AHR: variants seen among roughly 807,000 people sequenced by gnomAD.
AHR encodes the protein AH-receptor.
A neutral mutation model predicts 86.8 loss-of-function variants in AHR; 40 were observed. The observed-to-expected ratio is 0.46, with a 90% CI of 0.36 to 0.60. The LOEUF (loss-of-function observed/expected upper bound fraction) is 0.60. Among genes scored for constraint, AHR ranks in the 20% least tolerant of loss-of-function variants. AHR has a pLI of 0.00. For missense variants in AHR, 1,001 were observed against 1,011.6 expected, an observed-to-expected ratio of 0.99 and a Z score of 0.14; for synonymous variants, 398 against 354.9, an observed-to-expected ratio of 1.12 and a Z score of -1.37.
At chr7:17,328,493 T>G (rs1782252105) in intron 4 of AHR, among the ~76,000 whole-genome samples, 1 of 151,984 alleles carries the variant, frequency 6.6e-6, no homozygotes, top group Admixed American at 6.6e-5. Context: ...GAGAACAGAT[T>G]GTAACATTTG....
intron 2 of AHR, among the ~76,000 whole-genome samples, chr7:17,316,934 G>C (rs748816494): frequency 2.1e-4 from 32 of 152,062 alleles, no homozygotes; most frequent in Non-Finnish European, 3.4e-4. Flanking sequence ...GTTCCACAGG[G>C]TCTTCATCTT....
chr7:17,329,550 A>T (rs1782264240), intron 4 of AHR, among the ~76,000 whole-genome samples: 1 of 151,990 alleles, frequency 6.6e-6, no homozygotes, highest in African/African-American at 2.4e-5. Context: ...TGAAGGAAAT[A>T]CATAAAGAAT....
chr7:17,321,757 T>G (rs929567030), intron 2 of AHR, among the ~76,000 whole-genome samples: 1 of 152,004 alleles, frequency 6.6e-6, no homozygotes, highest in Non-Finnish European at 1.5e-5. Context: ...CTTTACAAGA[T>G]GTAATACCTA....
chr7:17,338,091 C>G (rs189311131), intron 9 of AHR, among the ~76,000 whole-genome samples: 1 of 149,776 alleles, frequency 6.7e-6, no homozygotes, highest in Non-Finnish European at 1.5e-5. Context: ...CCCAGCTACT[C>G]GGGAGGCTGA....
At chr7:17,326,565 T>C (rs1011484548) in intron 3 of AHR, among the ~76,000 whole-genome samples, 1 of 152,214 alleles carries the variant, frequency 6.6e-6, no homozygotes, top group South Asian at 2.1e-4. Context: ...TGCTCATTTC[T>C]ACAACCATAT....
At chr7:17,333,052 G>C (rs1482497346) in intron 6 of AHR, among the ~76,000 whole-genome samples, 1 of 151,964 alleles carries the variant, frequency 6.6e-6, no homozygotes, top group Non-Finnish European at 1.5e-5. Context: ...ACGATAGCAT[G>C]CTGTACAGGT....
At chr7:17,301,826 T>G (rs1049946785) in intron 1 of AHR, among the ~76,000 whole-genome samples, 3 of 152,028 alleles carry the variant, frequency 2.0e-5, no homozygotes, top group African/African-American at 7.2e-5. Flanking sequence ...GTTGGGAAAT[T>G]AAAGGCTCTG....
intron 6 of AHR, among the ~76,000 whole-genome samples, chr7:17,332,931 T>C (rs1230147605): frequency 6.6e-6 from 1 of 152,012 alleles, no homozygotes; most frequent in Non-Finnish European, 1.5e-5. Context: ...ATAAGTGCTC[T>C]TATACAGGTA....
intron 1 of AHR, among the ~76,000 whole-genome samples, chr7:17,306,004 T>C (rs1382259758): frequency 6.6e-6 from 1 of 152,080 alleles, no homozygotes; most frequent in South Asian, 2.1e-4. Flanking sequence ...ATTTTACAGA[T>C]TGGGACAAGA....
intron 9 of AHR, among the ~76,000 whole-genome samples, chr7:17,337,930 A>G (rs1346276335): frequency 6.6e-6 from 1 of 151,764 alleles, no homozygotes; most frequent in Non-Finnish European, 1.5e-5. Flanking sequence ...TAAATACATT[A>G]TGTTACAAAT....
chr7:17,306,252 G>A (rs1236849454), intron 1 of AHR, among the ~76,000 whole-genome samples: 3 of 152,110 alleles, frequency 2.0e-5, no homozygotes, highest in African/African-American at 7.2e-5. Flanking sequence ...TGCAGTTAAT[G>A]TAAGATTACT....
At chr7:17,312,896 A>AT (rs1022751699) in intron 2 of AHR, among the ~76,000 whole-genome samples, 2 of 152,192 alleles carry the variant, frequency 1.3e-5, no homozygotes, top group Non-Finnish European at 2.9e-5. Flanking sequence ...AAGAATCAGT[A>AT]TTTTAACAAG....
intron 2 of AHR, 131 bp downstream of exon 2, chr7:17,310,254 C>A: frequency 2.4e-6 from 2 of 847,432 alleles, no homozygotes; most frequent in South Asian, 2.8e-5. Flanking sequence ...AGTAAAATTT[C>A]AGTGGCAAAG....
rs940680426 is a variant in AHR at position 17,344,447 on chromosome 7, G to A, written c.*1383G>A. 1.3e-5 allele frequency: 2 copies of A among 152,534 alleles called. No homozygotes were observed. Among genetic ancestry groups the A allele is most frequent in the African/African-American group, 4.8e-5 (2 of 41,356 alleles). The allele number at this position is 152,534 out of a possible 1,614,324, so 9.4% of individuals were successfully genotyped here. Reference sequence around the variant, plus strand: ...TCAATGTGTCTTTCTAAGAAATCAAGTAATGAATCCAACTGCTTAAAGTTG... The same window carrying A: ...TCAATGTGTCTTTCTAAGAAATCAAATAATGAATCCAACTGCTTAAAGTTG... On this transcript the variant is annotated 3_prime_UTR_variant, in exon 11 of 11. Coordinates refer to ENST00000242057, the MANE Select transcript of AHR (RefSeq NM_001621.5).
At chr7:17,299,419 G>A (rs547562594) in intron 1 of AHR, 90 bp downstream of exon 1, 11 of 1,438,364 alleles carry the variant, frequency 7.6e-6, no homozygotes, top group Non-Finnish European at 1.0e-5. Flanking sequence ...CCAAATCCCT[G>A]CGATCCTGGG....
chr7:17,326,781 A>G (rs1031180442), intron 3 of AHR, among the ~76,000 whole-genome samples: 2 of 152,314 alleles, frequency 1.3e-5, no homozygotes, highest in African/African-American at 2.4e-5. Context: ...ACACAGTACA[A>G]TTCTTAAACT....
intron 2 of AHR, among the ~76,000 whole-genome samples, chr7:17,319,714 T>C (rs1782150028): frequency 6.6e-6 from 1 of 152,002 alleles, no homozygotes; most frequent in Non-Finnish European, 1.5e-5. Flanking sequence ...AATATATACA[T>C]GAAAATGAGT....
At chr7:17,324,229 G>C (rs1782204246) in intron 3 of AHR, among the ~76,000 whole-genome samples, 1 of 152,104 alleles carries the variant, frequency 6.6e-6, no homozygotes. Context: ...CTTTTAATAG[G>C]AAGACTCACA....
At chr7:17,327,893 CT>C in intron 4 of AHR, 45 bp downstream of exon 4, 2 of 857,100 alleles carry the variant, frequency 2.3e-6, no homozygotes, top group African/African-American at 1.8e-5. Context: ...ATATCATTTA[CT>C]TTTTATATAT....
Sources: allele counts gnomAD v4.1 joint callset (sites outside exome capture counted in the v4.1 genomes callset), GRCh38; gene constraint gnomAD v4.1.1; transcripts MANE v1.5; gene names NCBI Gene and HGNC (gene_info 2026-07-23, HGNC 2026-07-21).